Variants in MRPL35 observed in about 807,000 individuals in gnomAD.
MRPL35 encodes mitochondrial ribosomal protein L35.
In MRPL35, 18 loss-of-function variants were observed where a neutral mutation model predicts 21.6. The observed-to-expected ratio is 0.83, with a 90% CI of 0.58 to 1.24. MRPL35 has a LOEUF of 1.24. Ranked by LOEUF, MRPL35 falls within the 50% of genes most tolerant of loss-of-function variation. The pLI, the probability that MRPL35 is intolerant of heterozygous loss-of-function variation, is 0.00. For synonymous variants in MRPL35, 87 were observed against 86.9 expected, an observed-to-expected ratio of 1.00 and a Z score of -0.01; for missense variants, 223 against 223.2, an observed-to-expected ratio of 1.00 and a Z score of 0.01.
chr2:86,206,335 T>A (rs1673790709), intron 2 of MRPL35, 40 bp downstream of exon 2: 1 of 1,534,498 alleles, frequency 6.5e-7, no homozygotes, highest in Non-Finnish European at 8.8e-7. Flanking sequence ...TTGTTTTTTG[T>A]TTTTTGTTTT....
chr2:86,203,145 T>C (rs909497821), intron 1 of MRPL35, among the ~76,000 whole-genome samples: 2 of 147,150 alleles, frequency 1.4e-5, no homozygotes, highest in African/African-American at 5.0e-5. Context: ...AGTGGCACAA[T>C]CTCAGCTCAC....
Position 86,207,302 on chromosome 2 carries a change from A to G in MRPL35, c.353A>G (p.His118Arg), listed in dbSNP as rs1339991591. The G allele has an allele frequency of 6.2e-7, 1 of 1,613,536 alleles. No homozygotes were observed. Among genetic ancestry groups the G allele is most frequent in the Non-Finnish European group, 8.5e-7 (1 of 1,179,762 alleles). Reference sequence around the variant, plus strand: ...GTCATCGATAGGTTTCTTCGACTTCATTGTGGCCTTTGGGTGAGGAGAAAG... The same window carrying G: ...GTCATCGATAGGTTTCTTCGACTTCGTTGTGGCCTTTGGGTGAGGAGAAAG... ...KAVIDRFLRLHCGLWVRRKAG... is the reference protein window; with the variant it reads ...KAVIDRFLRLRCGLWVRRKAG... The change falls in exon 3 of 4, where the codon CAT becomes CGT. Residue 118 changes from histidine to arginine, a missense_variant. Coordinates refer to ENST00000337109, the MANE Select transcript of MRPL35 (RefSeq NM_016622.4).
chr2:86,212,417 A>G lies in MRPL35; in HGVS notation c.*1749A>G. On this transcript the variant is annotated 3_prime_UTR_variant, in exon 4 of 4. Transcript: ENST00000337109. ...TTTTGATGGATTTTCATTTCTTCGC[A>G]CTTCTGAGACGGCAAAGCCAACCAC... The G allele has an allele frequency of 1.2e-6, 2 of 1,613,914 alleles. No homozygotes were observed. Among genetic ancestry groups the G allele is most frequent in the Non-Finnish European group, 1.7e-6 (2 of 1,179,900 alleles).
intron 1 of MRPL35, among the ~76,000 whole-genome samples, chr2:86,203,316 T>G (rs904205647): frequency 1.3e-5 from 2 of 152,034 alleles, no homozygotes; most frequent in Non-Finnish European, 1.5e-5. Context: ...CCTCCTGATC[T>G]CCTCGTGATC....
rs1558855439 is a variant in MRPL35, at chr2:86,206,130, T to C, written c.68T>C (p.Leu23Ser). 6.2e-7 allele frequency: 1 copy of C among 1,612,894 alleles called. No homozygotes were observed. Among genetic ancestry groups the C allele is most frequent in the Admixed American group, 1.7e-5 (1 of 59,924 alleles). The change falls in exon 2 of 4, where the codon TTG (leucine) becomes TCG (serine). Residue 23 changes from leucine (L) to serine (S), a missense_variant. Leu to Ser is a moderately radical substitution (Grantham distance 145). Transcript: ENST00000337109. ...ASGILRPLNI[L>S]ASSTYRNCVK... ...GGAATCCTACGGCCCCTGAATATTT[T>C]GGCATCTTCAACCTACCGCAACTGT...
At position 86,211,022 on chromosome 2, in the gene MRPL35, C is replaced by T. The variant is rs1558857523; in HGVS notation, c.*354C>T. Reference sequence around the variant, plus strand: ...GTGACATTATTTCAAGGATATGTGCCAGGGAATTCAGGAACCACCTCACCA... The same window carrying T: ...GTGACATTATTTCAAGGATATGTGCTAGGGAATTCAGGAACCACCTCACCA... On this transcript the variant is annotated 3_prime_UTR_variant, in exon 4 of 4. Transcript: ENST00000337109. 2.0e-6 allele frequency: 2 copies of T among 995,356 alleles called. No homozygotes were observed. Among genetic ancestry groups the T allele is most frequent in the Non-Finnish European group, 2.4e-6 (2 of 836,472 alleles). 61.7% of individuals were successfully genotyped at this position (995,356 alleles called of 1,614,324 possible). A position where few individuals can be genotyped will look rare whatever the true frequency, so the allele number is the denominator to read the frequency against.
chr2:86,207,548 T>G (rs187394656), intron 3 of MRPL35, among the ~76,000 whole-genome samples: 18 of 152,302 alleles, frequency 1.2e-4, no homozygotes, highest in Non-Finnish European at 2.2e-4. Flanking sequence ...GGCACATAAT[T>G]GCTTGAACCC....
chr2:86,210,890 A>G lies in MRPL35; in HGVS notation c.*222A>G, dbSNP rs1369396265. 3.3e-6 allele frequency: 4 copies of G among 1,222,924 alleles called. No individual in the cohort carries two copies. The African/African-American group carries it at 4.6e-5, about 14-fold the overall frequency. 75.8% of individuals were successfully genotyped at this position (1,222,924 alleles called of 1,614,324 possible). On this transcript the variant is annotated 3_prime_UTR_variant, in exon 4 of 4. Coordinates refer to ENST00000337109, the MANE Select transcript of MRPL35 (RefSeq NM_016622.4). The stretch of plus-strand genomic sequence containing the variant: ...TAGAATGGTGCATTATTTTTAACAA[A>G]TGGTATTGGCTTAACTAGTTGTTTC...
intron 3 of MRPL35, among the ~76,000 whole-genome samples, chr2:86,208,399 C>T (rs1047570486): frequency 3.3e-5 from 5 of 151,934 alleles, no homozygotes; most frequent in Non-Finnish European, 2.9e-5. Context: ...CTCTGCCTCA[C>T]GGGTTCAGGC....
In MRPL35 at chr2:86,210,640, A is replaced by G. The variant is rs1052065; in HGVS notation, c.539A>G (p.Tyr180Cys). 1 of 1,612,376 alleles carries G rather than the reference A, an allele frequency of 6.2e-7. No homozygotes were observed. Among genetic ancestry groups the G allele is most frequent in the Non-Finnish European group, 8.5e-7 (1 of 1,179,404 alleles). The change falls in exon 4 of 4, where the codon TAT becomes TGT. Residue 180 changes from tyrosine (Y) to cysteine (C), a missense_variant. Physicochemically the swap from Tyr to Cys is radical, Grantham distance 194. Coordinates refer to ENST00000337109, the MANE Select transcript of MRPL35 (RefSeq NM_016622.4). Reference protein sequence around the residue: ...NWYVDDPYQKYHDRTNLKV With the variant: ...NWYVDDPYQKCHDRTNLKV ...TACGTTGATGATCCTTATCAGAAGT[A>G]TCATGATCGAACAAACCTGAAAGTA...
rs771635310 is a variant in MRPL35 at position 86,213,586 on chromosome 2, G to T, written c.*2918G>T. ...ATGTGAAAGGTAAGGGCTGCAGCAG[G>T]TTTAAGGGTGGCCCTTCACCACCCT... On this transcript the variant is annotated 3_prime_UTR_variant, in exon 4 of 4. Transcript: ENST00000337109. The T allele has an allele frequency of 1.1e-5, 17 of 1,549,276 alleles. No homozygotes were observed. In the South Asian group the frequency reaches 1.8e-4, roughly 16 times the overall value.
At position 86,211,908 on chromosome 2, in the gene MRPL35, G is replaced by T. The variant is rs1247725363; in HGVS notation, c.*1240G>T. 1 of 985,602 alleles carries T rather than the reference G, an allele frequency of 1.0e-6. No homozygotes were observed. Among genetic ancestry groups the T allele is most frequent in the Non-Finnish European group, 1.2e-6 (1 of 830,056 alleles). 61.1% of individuals were successfully genotyped at this position (985,602 alleles called of 1,614,324 possible). A position where few individuals can be genotyped will look rare whatever the true frequency, so the allele number is the denominator to read the frequency against. On this transcript the variant is annotated 3_prime_UTR_variant, in exon 4 of 4. Transcript: ENST00000337109. ...AACAATCATTGTAGAAACTAAGGGGGAGAAAGTAATCTCAGTTGTTTTAGA... is the reference window on the plus strand; with the variant it reads ...AACAATCATTGTAGAAACTAAGGGGTAGAAAGTAATCTCAGTTGTTTTAGA...
chr2:86,206,668 T>C (rs530924544), intron 2 of MRPL35, among the ~76,000 whole-genome samples: 1 of 152,306 alleles, frequency 6.6e-6, no homozygotes, highest in South Asian at 2.1e-4. Flanking sequence ...CATCCATGTA[T>C]CTAGGCGCCT....
Position 86,206,147 on chromosome 2 carries a change from C to A in MRPL35, c.85C>A (p.Arg29Ser), listed in dbSNP as rs1048488247. Residue 29 changes from arginine to serine, a missense_variant, in exon 2 of 4, where the codon CGC becomes AGC. Physicochemically the swap from Arg to Ser is moderately radical, Grantham distance 110. Coordinates refer to ENST00000337109, the MANE Select transcript of MRPL35 (RefSeq NM_016622.4). ...PLNILASSTY[R>S]NCVKNASLIS... ...GAATATTTTGGCATCTTCAACCTAC[C>A]GCAACTGTGTCAAGAATGCCTCTCT... 10 of 1,613,878 alleles carry A rather than the reference C, an allele frequency of 6.2e-6. No homozygotes were observed. Among genetic ancestry groups the A allele is most frequent in the Non-Finnish European group, 8.5e-6 (10 of 1,179,850 alleles).
intron 3 of MRPL35, among the ~76,000 whole-genome samples, chr2:86,210,200 A>G (rs998345551): frequency 1.3e-5 from 2 of 152,184 alleles, no homozygotes; most frequent in Admixed American, 6.5e-5. Flanking sequence ...TCCCAGCCAC[A>G]CACATTTAGT....
At chr2:86,206,024 G>T in intron 1 of MRPL35, 82 bp from the exon 2 acceptor site, 1 of 1,197,166 alleles carries the variant, frequency 8.4e-7, no homozygotes, top group Non-Finnish European at 1.2e-6. Context: ...TTTAATACTT[G>T]GTGGCAGTGA....
chr2:86,206,313 G>T lies in MRPL35; in HGVS notation c.233+18G>T, dbSNP rs565603374. The T allele has an allele frequency of 6.4e-7, 1 of 1,570,996 alleles. No individual in the cohort carries two copies. Among genetic ancestry groups the T allele is most frequent in the African/African-American group, 1.4e-5 (1 of 72,350 alleles). On this transcript the variant is annotated intron_variant, in intron 2 of 3. Coordinates refer to ENST00000337109, the MANE Select transcript of MRPL35 (RefSeq NM_016622.4). ...CTTAATAGGTAGAGTATATTTCTTTGTGGGGTTTTTTTTGTTTTTTGTTTT... is the reference window on the plus strand; with the variant it reads ...CTTAATAGGTAGAGTATATTTCTTTTTGGGGTTTTTTTTGTTTTTTGTTTT...
intron 1 of MRPL35, among the ~76,000 whole-genome samples, chr2:86,203,006 A>G (rs966844302): frequency 1.3e-5 from 2 of 151,832 alleles, no homozygotes; most frequent in Non-Finnish European, 2.9e-5. Flanking sequence ...TGATGGCCAC[A>G]TATTAATATA....
chr2:86,199,614 AGGTT>A lies in MRPL35; in HGVS notation c.43+82_43+85del. On this transcript the variant is annotated intron_variant, in intron 1 of 3. Coordinates refer to ENST00000337109, the MANE Select transcript of MRPL35 (RefSeq NM_016622.4). ...GGGATGGAATGGGCGTTTAGACTGG[AGGTT>A]AACAAGCAAAAAGGGTCATTATTTA... 5 of 1,536,910 alleles carry A rather than the reference AGGTT, an allele frequency of 3.3e-6. No homozygotes were observed. In the Admixed American group the frequency reaches 5.2e-5, roughly 16 times the overall value.
Sources: gnomAD v4.1 joint callset for allele counts (sites outside exome capture counted in the v4.1 genomes callset) on GRCh38, gnomAD v4.1.1 for gene constraint, MANE v1.5 for transcripts, NCBI Gene and HGNC (gene_info 2026-07-23, HGNC 2026-07-21) for gene names.